The following PPFIBP1 variants were observed in gnomAD, a reference collection of about 807,000 sequenced individuals.
PPFIBP1 encodes liprin-beta-1.
In PPFIBP1, 112 loss-of-function variants were observed where a neutral mutation model predicts 137.8. The observed-to-expected ratio is 0.81, with a 90% CI of 0.70 to 0.95. The LOEUF is 0.95. Among genes scored for constraint, PPFIBP1 ranks in the 40% least tolerant of loss-of-function variants. PPFIBP1 has a pLI of 0.00. For synonymous variants in PPFIBP1, 378 were observed against 417.3 expected, an observed-to-expected ratio of 0.91 and a Z score of 1.15; for missense variants, 1,083 against 1,196.6, an observed-to-expected ratio of 0.91 and a Z score of 1.40.
At chr12:27,679,830 A>C (rs2060775219) in intron 20 of PPFIBP1, 103 bp from the exon 21 acceptor site, 4 of 1,462,972 alleles carry the variant, frequency 2.7e-6, no homozygotes, top group Admixed American at 2.1e-5. Context: ...TTAACAACAC[A>C]AAGAGGATTA....
intron 14 of PPFIBP1, among the ~76,000 whole-genome samples, 156 bp downstream of exon 14, chr12:27,671,702 T>C (rs1355451419): frequency 1.3e-5 from 2 of 152,288 alleles, no homozygotes; most frequent in South Asian, 2.1e-4. Flanking sequence ...TTCTGTATTA[T>C]GGAAATAAAA....
At chr12:27,616,489 G>A (rs1334105191) in intron 2 of PPFIBP1, among the ~76,000 whole-genome samples, 1 of 152,144 alleles carries the variant, frequency 6.6e-6, no homozygotes, top group African/African-American at 2.4e-5. Context: ...TCATTGTGGA[G>A]AGTAAGCACT....
Position 27,691,838 on chromosome 12 carries a change from A to T in PPFIBP1, c.2775A>T (p.Gly925=). ...GEEYVCPMEL[G]QASGSASKKG... is the part of the protein sequence containing the mutation. ...AATATGTTTGTCCAATGGAATTGGGACAGGCATCAGGAAGTGCATCTAAGA... is the reference window on the plus strand; with the variant it reads ...AATATGTTTGTCCAATGGAATTGGGTCAGGCATCAGGAAGTGCATCTAAGA... The change falls in exon 28 of 30, where the codon GGA becomes GGT. Residue 925 remains glycine (G), a synonymous_variant. Transcript: ENST00000228425. 1 of 1,613,972 alleles carries T rather than the reference A, an allele frequency of 6.2e-7. No individual in the cohort carries two copies. The highest frequency in any genetic ancestry group is 8.5e-7 in the Non-Finnish European group (1 of 1,179,858).
chr12:27,600,955 CA>C (rs1326995435), intron 2 of PPFIBP1, among the ~76,000 whole-genome samples: 1 of 152,140 alleles, frequency 6.6e-6, no homozygotes, highest in African/African-American at 2.4e-5. Flanking sequence ...AAATATTTAT[CA>C]TTTTTTTGTG....
chr12:27,639,512 C>T (rs1025437729), intron 4 of PPFIBP1, among the ~76,000 whole-genome samples: 1 of 152,052 alleles, frequency 6.6e-6, no homozygotes, highest in Non-Finnish European at 1.5e-5. Flanking sequence ...GGTGAAATCC[C>T]GAAGGTGTCT....
At chr12:27,577,230 A>T (rs1337390550) in intron 1 of PPFIBP1, among the ~76,000 whole-genome samples, 7 of 151,474 alleles carry the variant, frequency 4.6e-5, no homozygotes, top group African/African-American at 7.3e-5. Context: ...TTTTTTTAAT[A>T]AAAAATGTCC....
chr12:27,574,244 C>CT (rs1001113546), intron 1 of PPFIBP1, among the ~76,000 whole-genome samples: 8 of 152,048 alleles, frequency 5.3e-5, no homozygotes, highest in African/African-American at 1.7e-4. Context: ...GGATAGAGCT[C>CT]TTTTTGCCAG....
intron 4 of PPFIBP1, chr12:27,637,397 A>C (rs2057759261): frequency 6.6e-6 from 1 of 152,208 alleles, no homozygotes; most frequent in African/African-American, 2.4e-5. Flanking sequence ...TTTGTGTCTT[A>C]TTATTTGACA....
intron 2 of PPFIBP1, among the ~76,000 whole-genome samples, chr12:27,614,236 A>G (rs761846287): frequency 3.3e-5 from 5 of 152,074 alleles, no homozygotes; most frequent in East Asian, 1.9e-4. Context: ...TAAATTAGCC[A>G]AGTGTAGTGG....
chr12:27,642,086 T>G (rs1286741479), intron 4 of PPFIBP1, among the ~76,000 whole-genome samples: 1 of 152,164 alleles, frequency 6.6e-6, no homozygotes, highest in Non-Finnish European at 1.5e-5. Context: ...CCGGGTGAGG[T>G]TCCTGGCTAG....
chr12:27,689,001 T>C lies in PPFIBP1; in HGVS notation c.2497-14T>C, dbSNP rs749821264. On this transcript the variant is annotated splice_polypyrimidine_tract_variant and intron_variant, in intron 26 of 29. Transcript: ENST00000228425. Reference sequence around the variant, plus strand: ...GGTGACTTTTGACAAGCTTTTTTTTTTTTCTTTAAACAGGTTCTAGAGCCT... The same window carrying C: ...GGTGACTTTTGACAAGCTTTTTTTTCTTTCTTTAAACAGGTTCTAGAGCCT... 7.5e-6 allele frequency: 12 copies of C among 1,591,056 alleles called. No individual in the cohort carries two copies. In the African/African-American group the frequency reaches 1.5e-4, roughly 20 times the overall value.
chr12:27,604,668 G>A (rs143853270), intron 2 of PPFIBP1, among the ~76,000 whole-genome samples: 33 of 152,316 alleles, frequency 2.2e-4, no homozygotes, highest in Admixed American at 1.9e-3. Context: ...GTGAATAGAC[G>A]CTGTTGTGTG....
chr12:27,692,010 C>T, intron 28 of PPFIBP1, 82 bp downstream of exon 28: 2 of 1,196,140 alleles, frequency 1.7e-6, no homozygotes, highest in South Asian at 1.8e-5. Context: ...TGTGTCTGAT[C>T]AAGGACATTT....
chr12:27,599,586 C>T, intron 2 of PPFIBP1: 1 of 446,706 alleles, frequency 2.2e-6, no homozygotes, highest in Admixed American at 2.4e-5. Flanking sequence ...TTCATCCATT[C>T]ATTTCCTATT....
chr12:27,660,933 A>G lies in PPFIBP1; in HGVS notation c.894A>G (p.Ala298=), dbSNP rs780960085. ...MKKAVESLMA[A]NEEKDRKIED... ...AAGCTGTGGAGTCCTTGATGGCAGCAAATGAAGAAAAGGTATCCAGATGAA... is the reference window on the plus strand; with the variant it reads ...AAGCTGTGGAGTCCTTGATGGCAGCGAATGAAGAAAAGGTATCCAGATGAA... Residue 298 remains alanine, a synonymous_variant, in exon 11 of 30, where the codon GCA becomes GCG. Transcript: ENST00000228425. The G allele has an allele frequency of 1.9e-6, 3 of 1,613,384 alleles. No individual in the cohort carries two copies. The highest frequency in any genetic ancestry group is 1.7e-6 in the Non-Finnish European group (2 of 1,179,782).
chr12:27,529,547 G>A (rs1944169175), intron 1 of PPFIBP1, among the ~76,000 whole-genome samples: 1 of 152,098 alleles, frequency 6.6e-6, no homozygotes, highest in African/African-American at 2.4e-5. Flanking sequence ...TACAAAAATT[G>A]GCCGAATGTG....
At chr12:27,634,028 G>A (rs878953980) in intron 3 of PPFIBP1, among the ~76,000 whole-genome samples, 11 of 151,318 alleles carry the variant, frequency 7.3e-5, no homozygotes, top group African/African-American at 2.7e-4. Flanking sequence ...GTAGAGACAG[G>A]GTTTCACCAT....
At chr12:27,641,239 G>A (rs2058087993) in intron 4 of PPFIBP1, among the ~76,000 whole-genome samples, 1 of 152,120 alleles carries the variant, frequency 6.6e-6, no homozygotes, top group Non-Finnish European at 1.5e-5. Flanking sequence ...CTCAAAATTA[G>A]TTTCTGTTTT....
chr12:27,643,028 G>A (rs983715363), intron 4 of PPFIBP1, among the ~76,000 whole-genome samples: 1 of 151,904 alleles, frequency 6.6e-6, no homozygotes, highest in African/African-American at 2.4e-5. Context: ...CATTACAAAG[G>A]CTCTGAGATC....
Sources: gnomAD v4.1 joint callset for allele counts (sites outside exome capture counted in the v4.1 genomes callset) on GRCh38, gnomAD v4.1.1 for gene constraint, MANE v1.5 for transcripts, NCBI Gene and HGNC (gene_info 2026-07-23, HGNC 2026-07-21) for gene names.